Variants in MAP1LC3B observed in about 807,000 individuals in gnomAD.
The protein encoded by MAP1LC3B is microtubule associated protein 1 light chain 3 beta, also known as microtubule-associated protein 1 light chain 3 beta.
MAP1LC3B carries 12 observed loss-of-function variants against 16.7 expected under a neutral mutation model. The observed-to-expected ratio is 0.72, with a 90% CI of 0.46 to 1.16. The LOEUF is 1.16. MAP1LC3B is among the 50% of genes most tolerant of loss of function. The probability of loss-of-function intolerance (pLI) is 0.00; values close to 1 mark genes in which losing one functional copy is unlikely to be tolerated. For missense variants in MAP1LC3B, 155 were observed against 159.5 expected (o/e 0.97, Z 0.15); for synonymous variants, 63 against 56.5 (o/e 1.11, Z -0.51).
rs999872289 is a variant in MAP1LC3B at position 87,392,368 on chromosome 16, C to T, written c.-60C>T. ...GATTCGCCGCCGCAGCAGCCGCCGC[C>T]CCCGGGAGCCGCCGGGACCCTCGCG... On this transcript the variant is annotated 5_prime_UTR_variant, in exon 1 of 4. Transcript: ENST00000268607. The T allele has an allele frequency of 2.5e-5, 34 of 1,376,358 alleles. No individual in the cohort carries two copies. Among genetic ancestry groups the T allele is most frequent in the Non-Finnish European group, 3.2e-5 (34 of 1,072,398 alleles). The allele number at this position is 1,376,358 out of a possible 1,614,324, so 85.3% of individuals were successfully genotyped here. A position where few individuals can be genotyped will look rare whatever the true frequency, so the allele number is the denominator to read the frequency against.
Position 87,403,494 on chromosome 16 carries a change from A to T in MAP1LC3B, c.*397A>T. ...TGAGTCTTCTCTTCAGGTTCACAAA[A>T]CCCGCCGCCTTTTTGGGTAGAAGTT... On this transcript the variant is annotated 3_prime_UTR_variant, in exon 4 of 4. Coordinates refer to ENST00000268607, the MANE Select transcript of MAP1LC3B (RefSeq NM_022818.5). 2 of 163,798 alleles carry T rather than the reference A, an allele frequency of 1.2e-5. No homozygotes were observed. The highest frequency in any genetic ancestry group is 1.7e-4 in the South Asian group (1 of 5,864). 10.1% of individuals were successfully genotyped at this position (163,798 alleles called of 1,614,324 possible).
At chr16:87,399,764 ATTAT>A (rs539921689) in intron 2 of MAP1LC3B, 702 of 317,660 alleles carry the variant, frequency 2.2e-3, no homozygotes, top group South Asian at 3.5e-3. Flanking sequence ...GAGCCAATGG[ATTAT>A]TTATTTATTT....
rs898184414 is a variant in MAP1LC3B at position 87,404,547 on chromosome 16, T to C, written c.*1450T>C. ...TTTTAATATGTGTATTTTTACATTA[T>C]GTATATTCTTAACTGGACTGTCTCG... On this transcript the variant is annotated 3_prime_UTR_variant, in exon 4 of 4. Transcript: ENST00000268607. The C allele has an allele frequency of 1.3e-5, 2 of 152,220 alleles. No homozygotes were observed. Among genetic ancestry groups the C allele is most frequent in the African/African-American group, 4.8e-5 (2 of 41,442 alleles). 9.4% of individuals were successfully genotyped at this position (152,220 alleles called of 1,614,324 possible).
Position 87,402,997 on chromosome 16 carries a change from C to T in MAP1LC3B, c.278C>T (p.Thr93Ile). The T allele has an allele frequency of 6.2e-7, 1 of 1,614,076 alleles. No individual in the cohort carries two copies. The highest frequency in any genetic ancestry group is 8.5e-7 in the Non-Finnish European group (1 of 1,179,936). ...VNGHSMVSVS[T>I]PISEVYESEK... ...GGACACAGCATGGTCAGCGTCTCCA[C>T]ACCAATCTCAGAGGTGTATGAGAGT... Residue 93 changes from threonine (T) to isoleucine (I), a missense_variant, in exon 4 of 4, where the codon ACA becomes ATA. By Grantham distance (89) the Thr-to-Ile change is moderately conservative (BLOSUM62 -1). Coordinates refer to ENST00000268607, the MANE Select transcript of MAP1LC3B (RefSeq NM_022818.5).
At chr16:87,399,613 G>C (rs1907916463) in intron 2 of MAP1LC3B, 1 of 455,550 alleles carries the variant, frequency 2.2e-6, no homozygotes, top group Non-Finnish European at 4.4e-6. Context: ...AAGAATTACT[G>C]TATATAGAAA....
intron 1 of MAP1LC3B, among the ~76,000 whole-genome samples, chr16:87,397,387 G>A (rs1430579481): frequency 6.6e-6 from 1 of 152,056 alleles, no homozygotes; most frequent in Non-Finnish European, 1.5e-5. Context: ...GGGAGGCTGA[G>A]GTGGGCGGAT....
intron 1 of MAP1LC3B, chr16:87,396,919 C>A (rs1362788737): frequency 6.6e-6 from 1 of 152,142 alleles, no homozygotes; most frequent in Admixed American, 6.5e-5. Flanking sequence ...CCTGTGCCTC[C>A]CGGGTTCAAG....
chr16:87,399,381 A>G, intron 2 of MAP1LC3B: 1 of 289,394 alleles, frequency 3.5e-6, no homozygotes, highest in African/African-American at 2.2e-5. Context: ...GAGCCTACAC[A>G]CTGATATTTC....
rs760394421 is a variant in MAP1LC3B, at chr16:87,404,109, C to T, written c.*1012C>T. The T allele has an allele frequency of 6.6e-6, 1 of 152,114 alleles. No homozygotes were observed. The highest frequency in any genetic ancestry group is 2.4e-5 in the African/African-American group (1 of 41,414). The allele number at this position is 152,114 out of a possible 1,614,324, so 9.4% of individuals were successfully genotyped here. On this transcript the variant is annotated 3_prime_UTR_variant, in exon 4 of 4. Transcript: ENST00000268607. ...TGAATAGTAGTTATCACTCTTAGGT[C>T]AGACAGCCATCAGAATTCTCCCACA...
Position 87,403,498 on chromosome 16 carries a change from G to C in MAP1LC3B, c.*401G>C. ...TCTTCTCTTCAGGTTCACAAAACCCGCCGCCTTTTTGGGTAGAAGTTTTCT... is the reference window on the plus strand; with the variant it reads ...TCTTCTCTTCAGGTTCACAAAACCCCCCGCCTTTTTGGGTAGAAGTTTTCT... On this transcript the variant is annotated 3_prime_UTR_variant, in exon 4 of 4. Coordinates refer to ENST00000268607, the MANE Select transcript of MAP1LC3B (RefSeq NM_022818.5). The C allele has an allele frequency of 6.1e-6, 1 of 164,950 alleles. No individual in the cohort carries two copies. The allele number at this position is 164,950 out of a possible 1,614,324, so 10.2% of individuals were successfully genotyped here.
intron 2 of MAP1LC3B, among the ~76,000 whole-genome samples, chr16:87,401,836 CT>C (rs550535300): frequency 2.6e-3 from 368 of 141,290 alleles, no homozygotes; most frequent in Middle Eastern, 3.9e-3. Flanking sequence ...AGCCTGATGA[CT>C]TTTTTTTTTT....
intron 3 of MAP1LC3B, 173 bp downstream of exon 3, chr16:87,402,454 T>C (rs1274035476): frequency 1.5e-6 from 1 of 684,620 alleles, no homozygotes; most frequent in African/African-American, 1.8e-5. Flanking sequence ...CTATAAAATG[T>C]TTCTTTTTTT....
chr16:87,394,422 G>A (rs1270909457), intron 1 of MAP1LC3B, among the ~76,000 whole-genome samples: 1 of 152,216 alleles, frequency 6.6e-6, no homozygotes. Flanking sequence ...ATAAGCCCCA[G>A]TTAGCTTGAG....
intron 3 of MAP1LC3B, 23 bp downstream of exon 3, chr16:87,402,304 TAATATA>T (rs1355626636): frequency 1.2e-6 from 2 of 1,601,338 alleles, no homozygotes; most frequent in Non-Finnish European, 1.7e-6. Flanking sequence ...CTTTGTTTCA[TAATATA>T]TTTCCTTTGA....
chr16:87,401,165 A>G (rs1281369512), intron 2 of MAP1LC3B, among the ~76,000 whole-genome samples: 1 of 147,910 alleles, frequency 6.8e-6, no homozygotes, highest in Admixed American at 6.8e-5. Flanking sequence ...AACTTCAGCC[A>G]TGTCTCAGGA....
At chr16:87,401,888 G>A (rs1049618500) in intron 2 of MAP1LC3B, among the ~76,000 whole-genome samples, 9 of 151,384 alleles carry the variant, frequency 5.9e-5, no homozygotes, top group Admixed American at 1.3e-4. Flanking sequence ...GCTGGAGTGC[G>A]GTGGCGCGAT....
At chr16:87,402,884 T>C (rs1441490533) in intron 3 of MAP1LC3B, 39 bp from the exon 4 acceptor site, 1 of 1,610,816 alleles carries the variant, frequency 6.2e-7, no homozygotes, top group African/African-American at 1.3e-5. Flanking sequence ...CCTTCTTGTA[T>C]TGTTGTCAAT....
In MAP1LC3B at chr16:87,398,811, G is replaced by A. The variant is rs375444706; in HGVS notation, c.41-4G>A. On this transcript the variant is annotated splice_polypyrimidine_tract_variant and splice_region_variant and intron_variant, in intron 1 of 3. Coordinates refer to ENST00000268607, the MANE Select transcript of MAP1LC3B (RefSeq NM_022818.5). ...AATGCTTCTGTCTCTTCATTTCATT[G>A]CAGAACAAAGAGTAGAAGATGTCCG... is the stretch of plus-strand genomic sequence containing the variant. 1.2e-6 allele frequency: 2 copies of A among 1,614,022 alleles called. No homozygotes were observed. Among genetic ancestry groups the A allele is most frequent in the African/African-American group, 2.7e-5 (2 of 75,040 alleles).
In MAP1LC3B at chr16:87,404,097, T is replaced by C. The variant is rs1242909571; in HGVS notation, c.*1000T>C. The C allele has an allele frequency of 2.0e-5, 3 of 152,186 alleles. No homozygotes were observed. The highest frequency in any genetic ancestry group is 4.4e-5 in the Non-Finnish European group (3 of 68,036). 9.4% of individuals were successfully genotyped at this position (152,186 alleles called of 1,614,324 possible). ...GTACCCACATTTTGAATAGTAGTTA[T>C]CACTCTTAGGTCAGACAGCCATCAG... On this transcript the variant is annotated 3_prime_UTR_variant, in exon 4 of 4. Coordinates refer to ENST00000268607, the MANE Select transcript of MAP1LC3B (RefSeq NM_022818.5).
Sources: gnomAD v4.1 joint callset for allele counts (sites outside exome capture counted in the v4.1 genomes callset) on GRCh38, gnomAD v4.1.1 for gene constraint, MANE v1.5 for transcripts, NCBI Gene and HGNC (gene_info 2026-07-23, HGNC 2026-07-21) for gene names.